The following ECT2 variants were observed in gnomAD, a reference collection of about 807,000 sequenced individuals.
ECT2 encodes the protein epithelial cell transforming 2.
A neutral mutation model predicts 116.9 loss-of-function variants in ECT2; 61 were observed. That is an observed-to-expected ratio of 0.52 (90% CI 0.42 to 0.65). The LOEUF (loss-of-function observed/expected upper bound fraction) is 0.65. Among genes scored for constraint, ECT2 ranks in the 30% least tolerant of loss-of-function variants. The probability of loss-of-function intolerance (pLI) is 0.00; values close to 1 mark genes in which losing one functional copy is unlikely to be tolerated. For synonymous variants in ECT2, 358 were observed against 346.4 expected (o/e 1.03, Z -0.37); for missense variants, 937 against 1,078.7 (o/e 0.87, Z 1.84).
chr3:172,788,678 C>G (rs755848963), intron 18 of ECT2, among the ~76,000 whole-genome samples: 2 of 152,094 alleles, frequency 1.3e-5, no homozygotes, highest in Non-Finnish European at 1.5e-5. Context: ...ATAAAAGTTA[C>G]GTTTACACTA....
chr3:172,812,739 A>G (rs1250635770), intron 22 of ECT2, among the ~76,000 whole-genome samples: 1 of 152,178 alleles, frequency 6.6e-6, no homozygotes, highest in Non-Finnish European at 1.5e-5. Context: ...TAAATGTCAA[A>G]ACATTCTTTT....
the ECT2 span, among the ~76,000 whole-genome samples, chr3:172,828,350 G>A: frequency 2.0e-5 from 3 of 152,016 alleles, no homozygotes; most frequent in Non-Finnish European, 4.4e-5. Context: ...GTGTGTGTGT[G>A]TGGCTGTGTC....
chr3:172,766,727 G>A (rs1719464130), intron 12 of ECT2, among the ~76,000 whole-genome samples: 1 of 152,194 alleles, frequency 6.6e-6, no homozygotes, highest in Admixed American at 6.5e-5. Flanking sequence ...AGAAATCCAA[G>A]TTACATTAAG....
chr3:172,828,694 G>T, the ECT2 span: 24 of 400,160 alleles, frequency 6.0e-5, no homozygotes, highest in Admixed American at 1.2e-4. Flanking sequence ...GCATGGAGTC[G>T]CAGCAGCAGG....
the ECT2 span, among the ~76,000 whole-genome samples, chr3:172,827,728 A>C: frequency 6.6e-6 from 1 of 152,192 alleles, no homozygotes; most frequent in Non-Finnish European, 1.5e-5. Flanking sequence ...CAATAGGTTG[A>C]CTATAGGTAA....
intron 18 of ECT2, among the ~76,000 whole-genome samples, chr3:172,788,333 A>G (rs188801490): frequency 3.3e-5 from 5 of 152,366 alleles, no homozygotes; most frequent in Admixed American, 3.3e-4. Flanking sequence ...GATTTTCAAT[A>G]TTAATTTGTT....
intron 14 of ECT2, among the ~76,000 whole-genome samples, chr3:172,780,627 C>T (rs956840306): frequency 2.6e-5 from 4 of 152,314 alleles, no homozygotes; most frequent in Admixed American, 2.6e-4. Context: ...GGTCCTCCCA[C>T]GTCAGCCTCC....
chr3:172,763,610 A>G (rs1045692174), intron 11 of ECT2, among the ~76,000 whole-genome samples: 3 of 152,264 alleles, frequency 2.0e-5, no homozygotes, highest in South Asian at 2.1e-4. Flanking sequence ...GAGAGACGTC[A>G]TTAAAAAGAT....
At chr3:172,821,991 T>A (rs1730718902), downstream of ECT2, among the ~76,000 whole-genome samples, 1 of 151,894 alleles carries the variant, frequency 6.6e-6, no homozygotes, top group African/African-American at 2.4e-5. Flanking sequence ...ATGTATCATG[T>A]GTAAAATTAG....
At chr3:172,776,074 T>C (rs1310759693) in intron 14 of ECT2, among the ~76,000 whole-genome samples, 8 of 152,188 alleles carry the variant, frequency 5.3e-5, no homozygotes, top group Non-Finnish European at 8.8e-5. Flanking sequence ...ATTTAGAAAA[T>C]CATATTCTTT....
rs774726395 is a variant in ECT2, at chr3:172,755,289, T to G, written c.131-6T>G. 7.5e-6 allele frequency: 12 copies of G among 1,591,702 alleles called. No homozygotes were observed. The South Asian group carries it at 1.3e-4, about 17-fold the overall frequency. ...ATAAACATTGAAACATTTTACATTTTAACAGAAGAGATGCCTCAGATTGAA... is the reference window on the plus strand; with the variant it reads ...ATAAACATTGAAACATTTTACATTTGAACAGAAGAGATGCCTCAGATTGAA... On this transcript the variant is annotated splice_region_variant and splice_polypyrimidine_tract_variant and intron_variant, in intron 2 of 24. Coordinates refer to ENST00000392692, the MANE Select transcript of ECT2 (RefSeq NM_001258315.2).
chr3:172,776,712 G>T (rs1721799837), intron 14 of ECT2, among the ~76,000 whole-genome samples: 2 of 152,090 alleles, frequency 1.3e-5, no homozygotes, highest in Non-Finnish European at 2.9e-5. Context: ...ATCATGCTGA[G>T]ATACATTCTT....
At chr3:172,784,897 T>A in intron 17 of ECT2, 94 bp downstream of exon 17, 2 of 794,572 alleles carry the variant, frequency 2.5e-6, no homozygotes, top group Middle Eastern at 4.9e-4. Context: ...TAGAGTTTCT[T>A]AGATTTCAGC....
At position 172,820,286 on chromosome 3, in the gene ECT2, C is replaced by T; in HGVS notation, c.*49C>T. 7.4e-7 allele frequency: 1 copy of T among 1,349,766 alleles called. No homozygotes were observed. Among genetic ancestry groups the T allele is most frequent in the East Asian group, 2.4e-5 (1 of 41,832 alleles). 83.6% of individuals were successfully genotyped at this position (1,349,766 alleles called of 1,614,324 possible). ...TAGAAATGTATAGACACCTCATACTCAAATAAGAAACTGACTTAAATGGTA... is the reference window on the plus strand; with the variant it reads ...TAGAAATGTATAGACACCTCATACTTAAATAAGAAACTGACTTAAATGGTA... On this transcript the variant is annotated 3_prime_UTR_variant, in exon 25 of 25. Coordinates refer to ENST00000392692, the MANE Select transcript of ECT2 (RefSeq NM_001258315.2).
downstream of ECT2, among the ~76,000 whole-genome samples, chr3:172,824,431 C>T (rs187200121): frequency 1.3e-3 from 199 of 152,226 alleles, 1 homozygote; most frequent in Non-Finnish European, 2.6e-3. Flanking sequence ...ACAATCAGAT[C>T]TCATGAGAAC....
At chr3:172,769,508 G>A (rs1249906796) in intron 13 of ECT2, among the ~76,000 whole-genome samples, 1 of 152,044 alleles carries the variant, frequency 6.6e-6, no homozygotes, top group Non-Finnish European at 1.5e-5. Flanking sequence ...TCATTGCTTT[G>A]TTTTTAGTAC....
Position 172,817,767 on chromosome 3 carries a change from C to T in ECT2, c.2655+930C>T, listed in dbSNP as rs114727185. Among the ~76,000 whole-genome samples the T allele has an allele frequency of 8.1e-3, 1,234 of 152,096 alleles. 15 individuals carry two copies. Among genetic ancestry groups the T allele is most frequent in the South Asian group, 0.043 (209 of 4,822 alleles). ...TACTGAAGTTAAGAAAAGCAAGTGA[C>T]TGTCATTTCTTAGCTGTGTGTCCTG... On this transcript the variant is annotated intron_variant, in intron 24 of 24. Transcript: ENST00000392692.
chr3:172,797,847 A>C (rs1029323116), intron 18 of ECT2, among the ~76,000 whole-genome samples: 1 of 152,180 alleles, frequency 6.6e-6, no homozygotes, highest in African/African-American at 2.4e-5. Flanking sequence ...TTAAAGGTTA[A>C]GGCTTTTTTG....
At chr3:172,784,857 T>C (rs1723334097) in intron 17 of ECT2, 54 bp downstream of exon 17, 6 of 1,122,224 alleles carry the variant, frequency 5.3e-6, no homozygotes, top group Non-Finnish European at 7.6e-6. Flanking sequence ...GAATTGTTTT[T>C]TCCAAAAAAG....
Sources: allele counts gnomAD v4.1 joint callset (sites outside exome capture counted in the v4.1 genomes callset), GRCh38; gene constraint gnomAD v4.1.1; transcripts MANE v1.5; gene names NCBI Gene and HGNC (gene_info 2026-07-23, HGNC 2026-07-21).